Variants in PLCXD2 observed in about 807,000 individuals in gnomAD.
PLCXD2 encodes the protein PI-PLC X domain-containing protein 2.
In PLCXD2, 21 loss-of-function variants were observed where a neutral mutation model predicts 28.6. That is an observed-to-expected ratio of 0.73 (90% CI 0.52 to 1.06). PLCXD2 has a LOEUF of 1.06. Among genes scored for constraint, PLCXD2 ranks in the 50% least tolerant of loss-of-function variants. The pLI is 0.00. For missense variants in PLCXD2, 369 were observed against 376.7 expected (o/e 0.98, Z 0.17); for synonymous variants, 140 against 150.1 (o/e 0.93, Z 0.49).
chr3:111,718,871 T>A lies in PLCXD2; in HGVS notation c.866+4743T>A, dbSNP rs72939597. 6.6e-3 allele frequency among the ~76,000 whole-genome samples: 1,001 copies of A among 152,338 alleles called. 8 individuals carry two copies. The highest frequency in any genetic ancestry group is 0.023 in the African/African-American group (958 of 41,578). On this transcript the variant is annotated intron_variant, in intron 3 of 4. Coordinates refer to ENST00000477665, the MANE Select transcript of PLCXD2 (RefSeq NM_001185106.1). Reference sequence around the variant, plus strand: ...TGCCTGTGGTAGTTTACACTTACTATTAATGCAGAAATTATCACATTGAAT... The same window carrying A: ...TGCCTGTGGTAGTTTACACTTACTAATAATGCAGAAATTATCACATTGAAT...
chr3:111,701,041 G>C (rs544201684), intron 1 of PLCXD2, among the ~76,000 whole-genome samples: 1 of 152,274 alleles, frequency 6.6e-6, no homozygotes, highest in East Asian at 1.9e-4. Context: ...CAGCTAATAA[G>C]ATAGAGAGGA....
At chr3:111,715,282 A>T (rs1941253403) in intron 3 of PLCXD2, among the ~76,000 whole-genome samples, 1 of 152,224 alleles carries the variant, frequency 6.6e-6, no homozygotes, top group African/African-American at 2.4e-5. Context: ...TATTGTTTTA[A>T]TAATATGTTT....
At chr3:111,688,034 A>C (rs1024157290) in intron 1 of PLCXD2, among the ~76,000 whole-genome samples, 4 of 152,200 alleles carry the variant, frequency 2.6e-5, no homozygotes, top group African/African-American at 9.7e-5. Context: ...ACTATGAAAA[A>C]GTAGTTCAGA....
At chr3:111,697,011 T>C (rs933000778) in intron 1 of PLCXD2, among the ~76,000 whole-genome samples, 2 of 152,190 alleles carry the variant, frequency 1.3e-5, no homozygotes, top group Non-Finnish European at 2.9e-5. Flanking sequence ...CCAGTTTTAG[T>C]GCCAACATGT....
At position 111,708,182 on chromosome 3, in the gene PLCXD2, G is replaced by A; in HGVS notation, c.420G>A (p.Trp140Ter). Residue 140 changes from tryptophan (W) to a stop codon, truncating the protein, a stop_gained, in exon 2 of 5, where the codon TGG (tryptophan) becomes TGA (stop). Coordinates refer to ENST00000477665, the MANE Select transcript of PLCXD2 (RefSeq NM_001185106.1). LOFTEE classifies it high-confidence loss of function. ...ATGGGCTTTTTGGCATCAAGGTCTG[G>A]GATGGGCTGATGGAAATTGACTCGT... 1 of 1,614,166 alleles carries A rather than the reference G, an allele frequency of 6.2e-7. No homozygotes were observed. Among genetic ancestry groups the A allele is most frequent in the Admixed American group, 1.7e-5 (1 of 60,016 alleles).
rs1394381686 is a variant in PLCXD2 at position 111,714,036 on chromosome 3, C to A, written c.774C>A (p.Gly258=). 28 of 1,614,178 alleles carry A rather than the reference C, an allele frequency of 1.7e-5. No individual in the cohort carries two copies. The highest frequency in any genetic ancestry group is 2.7e-5 in the African/African-American group (2 of 75,048). The change falls in exon 3 of 5, where the codon GGC becomes GGA. Residue 258 remains glycine, a synonymous_variant. Coordinates refer to ENST00000477665, the MANE Select transcript of PLCXD2 (RefSeq NM_001185106.1). The stretch of plus-strand genomic sequence containing the variant: ...CTCTGAGTGAGCGGGCCTCACGGGG[C>A]TCCTTCCATGTCTCCCAAGCGATCC...
chr3:111,712,918 A>C (rs538252306), intron 2 of PLCXD2, among the ~76,000 whole-genome samples: 2 of 152,302 alleles, frequency 1.3e-5, no homozygotes, highest in South Asian at 4.2e-4. Flanking sequence ...GAAACTAATT[A>C]ATGCTGTGGA....
intron 3 of PLCXD2, among the ~76,000 whole-genome samples, chr3:111,718,511 A>G (rs1559799067): frequency 8.0e-6 from 1 of 124,616 alleles, no homozygotes; most frequent in Non-Finnish European, 1.8e-5. Context: ...ATAGATAGAT[A>G]GATAGATAGA....
intron 2 of PLCXD2, among the ~76,000 whole-genome samples, chr3:111,709,744 G>A (rs531423966): frequency 2.0e-5 from 3 of 152,298 alleles, no homozygotes; most frequent in African/African-American, 7.2e-5. Flanking sequence ...CATGCAGTAT[G>A]GCTGTAGAGC....
At chr3:111,691,358 G>C (rs1373802658) in intron 1 of PLCXD2, 9 of 152,170 alleles carry the variant, frequency 5.9e-5, no homozygotes. Flanking sequence ...TCCTAAGTTT[G>C]CAAATGAAGA....
At chr3:111,726,233 G>A (rs143488655) in intron 3 of PLCXD2, 185 of 180,868 alleles carry the variant, frequency 1.0e-3, no homozygotes, top group African/African-American at 4.2e-3. Flanking sequence ...CACTTCAGTC[G>A]TGAATCTACA....
chr3:111,704,615 T>C (rs1485446638), intron 1 of PLCXD2, among the ~76,000 whole-genome samples: 1 of 152,210 alleles, frequency 6.6e-6, no homozygotes, highest in Non-Finnish European at 1.5e-5. Context: ...CAGAGTGATA[T>C]TTCAATACGT....
intron 1 of PLCXD2, among the ~76,000 whole-genome samples, chr3:111,698,864 C>T (rs896201438): frequency 7.2e-5 from 11 of 152,188 alleles, no homozygotes; most frequent in Non-Finnish European, 1.3e-4. Context: ...CCTTATTTCC[C>T]CCCCTCCTCC....
chr3:111,679,510 A>G (rs992766855), intron 1 of PLCXD2, among the ~76,000 whole-genome samples: 7 of 152,208 alleles, frequency 4.6e-5, no homozygotes, highest in Non-Finnish European at 7.3e-5. Flanking sequence ...CAGCGCAGTC[A>G]TTGGTGACAG....
intron 3 of PLCXD2, chr3:111,721,822 G>A (rs1941349709): frequency 1.3e-5 from 2 of 152,216 alleles, no homozygotes; most frequent in Non-Finnish European, 2.9e-5. Context: ...TAGGACTCAG[G>A]TCTGCACTGT....
At position 111,708,108 on chromosome 3, in the gene PLCXD2, C is replaced by A; in HGVS notation, c.346C>A (p.Arg116Ser). 1 of 1,614,206 alleles carries A rather than the reference C, an allele frequency of 6.2e-7. No homozygotes were observed. The highest frequency in any genetic ancestry group is 1.1e-5 in the South Asian group (1 of 91,086). The change falls in exon 2 of 5, where the codon CGT becomes AGT. Residue 116 changes from arginine (R) to serine (S), a missense_variant. Physicochemically the swap from Arg to Ser is moderately radical, Grantham distance 110. Transcript: ENST00000477665. ...AGCTGGGATCCGCTACTTTGACCTG[C>A]GTGTGTCTTCCAAACCAGGGGATGC...
intron 1 of PLCXD2, among the ~76,000 whole-genome samples, chr3:111,692,139 T>C (rs1379362940): frequency 6.6e-6 from 1 of 152,192 alleles, no homozygotes; most frequent in African/African-American, 2.4e-5. Context: ...CCTCCCGGGT[T>C]CATGCCGTTC....
At chr3:111,716,750 A>G (rs545380932) in intron 3 of PLCXD2, among the ~76,000 whole-genome samples, 1 of 152,212 alleles carries the variant, frequency 6.6e-6, no homozygotes, top group Non-Finnish European at 1.5e-5. Context: ...CACATATTGA[A>G]GTCCCAACTC....
chr3:111,724,943 T>C (rs1265300183), intron 3 of PLCXD2: 1 of 152,184 alleles, frequency 6.6e-6, no homozygotes, highest in Non-Finnish European at 1.5e-5. Flanking sequence ...AGCTCCCCAA[T>C]CATAAGGTCC....
Sources: allele counts gnomAD v4.1 joint callset (sites outside exome capture counted in the v4.1 genomes callset), GRCh38; gene constraint gnomAD v4.1.1; transcripts MANE v1.5; gene names NCBI Gene and HGNC (gene_info 2026-07-23, HGNC 2026-07-21).